Variants in DOT1L observed in about 807,000 individuals in gnomAD.
The protein encoded by DOT1L is histone-lysine N-methyltransferase, H3 lysine-79 specific.
In DOT1L, 33 loss-of-function variants were observed where a neutral mutation model predicts 153.3. That is an observed-to-expected ratio of 0.22 (90% confidence interval 0.16 to 0.29). The LOEUF is 0.29. Among genes scored for constraint, DOT1L ranks in the 10% least tolerant of loss-of-function variants. The pLI is 1.00. For missense variants in DOT1L, 1,847 were observed against 2,119.9 expected (o/e 0.87, Z 2.53); for synonymous variants, 1,135 against 965.1 (o/e 1.18, Z -3.26).
Position 2,220,414 on chromosome 19 carries a change from T to C in DOT1L, c.2806+192T>C, listed in dbSNP as rs2024072597. On this transcript the variant is annotated intron_variant, in intron 23 of 27. Transcript: ENST00000398665. This position sits in a 1 kb window ranked among gnomAD's most constrained non-coding sequence, Gnocchi z 4.5. ...AGCTGGGATGCGGATCGGGCTCAGC[T>C]GCAGCCATCTCGGCCTCATACCTGG... is the stretch of plus-strand genomic sequence containing the variant. 4 of 690,768 alleles carry C rather than the reference T, an allele frequency of 5.8e-6. No homozygotes were observed. Among genetic ancestry groups the C allele is most frequent in the Non-Finnish European group, 1.1e-5 (4 of 380,526 alleles). 42.8% of individuals were successfully genotyped at this position (690,768 alleles called of 1,614,324 possible). A position where few individuals can be genotyped will look rare whatever the true frequency, so the allele number is the denominator to read the frequency against.
intron 24 of DOT1L, 47 bp from the exon 25 acceptor site, chr19:2,223,234 G>T (rs1409707728): frequency 1.9e-6 from 3 of 1,600,344 alleles, no homozygotes; most frequent in Non-Finnish European, 2.6e-6. Flanking sequence ...CTGCCTTGGG[G>T]TCCCGGGTCT....
intron 1 of DOT1L, among the ~76,000 whole-genome samples, chr19:2,178,329 G>A (rs1272368802): frequency 7.3e-6 from 1 of 136,720 alleles, no homozygotes; most frequent in African/African-American, 2.8e-5. Context: ...AGGAGTTTGA[G>A]ACCAGCCTGG....
Position 2,223,413 on chromosome 19 carries a change from A to G in DOT1L, c.3523A>G (p.Thr1175Ala). The change falls in exon 25 of 28, where the codon ACC becomes GCC. Residue 1175 changes from threonine (T) to alanine (A), a missense_variant. By Grantham distance (58) the Thr-to-Ala change is moderately conservative (BLOSUM62 0). Transcript: ENST00000398665. ...VLKKERPLSQ[T>A]NGAHYSPLTS... The stretch of plus-strand genomic sequence containing the variant: ...CAAGAAGGAGCGGCCTCTGAGCCAG[A>G]CCAATGGGGCACACTACTCCCCACT... 1 of 1,613,528 alleles carries G rather than the reference A, an allele frequency of 6.2e-7. No individual in the cohort carries two copies. The highest frequency in any genetic ancestry group is 8.5e-7 in the Non-Finnish European group (1 of 1,179,932).
intron 1 of DOT1L, among the ~76,000 whole-genome samples, chr19:2,174,541 C>T (rs1043451502): frequency 2.0e-5 from 3 of 152,090 alleles, no homozygotes; most frequent in Non-Finnish European, 4.4e-5. Flanking sequence ...ACAAAATTAG[C>T]TGGGTGTGGT....
chr19:2,206,853 C>T (rs927415348), intron 10 of DOT1L, 56 bp downstream of exon 10: 30 of 1,532,012 alleles, frequency 2.0e-5, no homozygotes, highest in East Asian at 4.5e-5. Flanking sequence ...CCATCTGACA[C>T]GCAGTATTCC....
chr19:2,210,184 G>A (rs1255607095), intron 12 of DOT1L, among the ~76,000 whole-genome samples: 2 of 152,254 alleles, frequency 1.3e-5, no homozygotes, highest in East Asian at 3.8e-4. Context: ...TGTGAATGCC[G>A]TTATCCGTGC....
intron 1 of DOT1L, among the ~76,000 whole-genome samples, chr19:2,179,847 G>C (rs139829831): frequency 1.2e-4 from 18 of 152,274 alleles, no homozygotes; most frequent in African/African-American, 3.9e-4. Flanking sequence ...GGCTGGCCTC[G>C]AACTCCTGGC....
chr19:2,224,615 C>T (rs969553115), intron 25 of DOT1L, among the ~76,000 whole-genome samples: 6 of 152,078 alleles, frequency 3.9e-5, no homozygotes, highest in Admixed American at 2.6e-4. Context: ...TACAGGCACA[C>T]GCTACCACCG....
Position 2,219,498 on chromosome 19 carries a change from T to G in DOT1L, c.2692-610T>G, listed in dbSNP as rs1021080540. On this transcript the variant is annotated intron_variant, in intron 22 of 27. Transcript: ENST00000398665. ...CCCTGTGTGGATGGAGTGTGCCATC[T>G]TCATCCGTGCCCAGTTGATGGACCC... Among the ~76,000 whole-genome samples the G allele has an allele frequency of 9.8e-5, 15 of 152,324 alleles. 1 individual carries two copies. The South Asian group carries it at 1.9e-3, about 19-fold the overall frequency.
intron 1 of DOT1L, among the ~76,000 whole-genome samples, chr19:2,169,387 A>G (rs2020043658): frequency 6.6e-6 from 1 of 152,212 alleles, no homozygotes; most frequent in Non-Finnish European, 1.5e-5. Flanking sequence ...TTTTATAGCA[A>G]ATGCACACTG....
intron 27 of DOT1L, chr19:2,228,832 G>T: frequency 1.0e-6 from 1 of 985,388 alleles, no homozygotes; most frequent in Non-Finnish European, 1.2e-6. Context: ...CGGCTGCAGA[G>T]GTCCTGGAGA....
At chr19:2,219,260 G>A (rs1226000745) in intron 22 of DOT1L, among the ~76,000 whole-genome samples, 2 of 152,130 alleles carry the variant, frequency 1.3e-5, no homozygotes, top group Admixed American at 6.5e-5. Context: ...CACCCGCCTC[G>A]GCCTCCCACA....
intron 1 of DOT1L, among the ~76,000 whole-genome samples, chr19:2,165,290 G>GCT (rs386388361): frequency 1.3e-5 from 2 of 151,992 alleles, no homozygotes; most frequent in Non-Finnish European, 2.9e-5. Flanking sequence ...TCCCGCGCGC[G>GCT]CTGGGCTTGT....
At position 2,223,442 on chromosome 19, in the gene DOT1L, C is replaced by T; in HGVS notation, c.3552C>T (p.Thr1184=). 4 of 1,613,304 alleles carry T rather than the reference C, an allele frequency of 2.5e-6. No individual in the cohort carries two copies. The highest frequency in any genetic ancestry group is 3.4e-6 in the Non-Finnish European group (4 of 1,179,960). ...QTNGAHYSPL[T]SDEEPGSEDE... is the part of the protein sequence containing the mutation. ...ATGGGGCACACTACTCCCCACTCAC[C>T]TCAGACGAGGAGCCAGGCTCTGAGG... Residue 1184 remains threonine, a synonymous_variant, in exon 25 of 28, where the codon ACC becomes ACT. Transcript: ENST00000398665.
At chr19:2,173,230 G>A (rs2021741522) in intron 1 of DOT1L, among the ~76,000 whole-genome samples, 2 of 151,972 alleles carry the variant, frequency 1.3e-5, no homozygotes, top group South Asian at 2.1e-4. Context: ...CACGAGTCCC[G>A]CGCTTTCCTC....
At position 2,191,014 on chromosome 19, in the gene DOT1L, G is replaced by T; in HGVS notation, c.267G>T (p.Trp89Cys). The T allele has an allele frequency of 6.3e-7, 1 of 1,598,272 alleles. No individual in the cohort carries two copies. Residue 89 changes from tryptophan (W) to cysteine (C), a missense_variant and splice_region_variant, in exon 5 of 28, where the codon TGG (tryptophan) becomes TGT (cysteine). Around this residue, in one of 8 missense-constraint regions of DOT1L, gnomAD observed 148 missense variants for 422.3 expected, o/e 0.35. Coordinates refer to ENST00000398665, the MANE Select transcript of DOT1L (RefSeq NM_032482.3). This position sits in a 1 kb window ranked among gnomAD's most constrained non-coding sequence, Gnocchi z 6.8. Reference protein sequence around the residue: ...NRAIDSIHQLWKGTTQPMKLN... With the variant: ...NRAIDSIHQLCKGTTQPMKLN... ...GCCGGGCCACCCTCCGTCCGCAGTGGAAGGGCACCACGCAGCCCATGAAGC... is the reference window on the plus strand; with the variant it reads ...GCCGGGCCACCCTCCGTCCGCAGTGTAAGGGCACCACGCAGCCCATGAAGC...
At chr19:2,169,385 C>G (rs2020043595) in intron 1 of DOT1L, among the ~76,000 whole-genome samples, 1 of 152,160 alleles carries the variant, frequency 6.6e-6, no homozygotes, top group African/African-American at 2.4e-5. Flanking sequence ...CGTTTTATAG[C>G]AAATGCACAC....
In DOT1L at chr19:2,187,870, T is replaced by C. The variant is rs376642719; in HGVS notation, c.201-1862T>C. Reference sequence around the variant, plus strand: ...CCGGGAGGCGGAGCTTGCAGTGAGCTGAGATCGCGCCACCGCACTCCAGCC... The same window carrying C: ...CCGGGAGGCGGAGCTTGCAGTGAGCCGAGATCGCGCCACCGCACTCCAGCC... On this transcript the variant is annotated intron_variant, in intron 3 of 27. Transcript: ENST00000398665. Among the ~76,000 whole-genome samples the C allele has an allele frequency of 4.1e-3, 589 of 145,286 alleles. 3 individuals carry two copies. The highest frequency in any genetic ancestry group is 5.8e-3 in the Non-Finnish European group (389 of 66,978).
intron 8 of DOT1L, among the ~76,000 whole-genome samples, chr19:2,200,793 C>A (rs559170483): frequency 1.3e-5 from 2 of 150,588 alleles, no homozygotes; most frequent in East Asian, 4.0e-4. Context: ...TCCTCGTCCT[C>A]CCCGCATTCC....
Sources: allele counts gnomAD v4.1 joint callset (sites outside exome capture counted in the v4.1 genomes callset), GRCh38; gene constraint gnomAD v4.1.1; regional missense constraint gnomAD v4.1.1; non-coding constraint Gnocchi (gnomAD v3.1); transcripts MANE v1.5; gene names NCBI Gene and HGNC (gene_info 2026-07-23, HGNC 2026-07-21).